The following POLR3G variants were observed in gnomAD, a reference collection of about 807,000 sequenced individuals.
POLR3G encodes the protein RNA polymerase III subunit G.
A neutral mutation model predicts 30.1 loss-of-function variants in POLR3G; 28 were observed. That is an observed-to-expected ratio of 0.93 (90% CI 0.69 to 1.27). The LOEUF is 1.27. POLR3G is among the 50% of genes most tolerant of loss of function. The pLI is 0.00. For synonymous variants in POLR3G, 79 were observed against 82.5 expected, an observed-to-expected ratio of 0.96 and a Z score of 0.23; for missense variants, 254 against 264.6, an observed-to-expected ratio of 0.96 and a Z score of 0.28.
chr5:90,491,574 A>G (rs1333848912), intron 3 of POLR3G, among the ~76,000 whole-genome samples: 1 of 151,618 alleles, frequency 6.6e-6, no homozygotes, highest in African/African-American at 2.4e-5. Flanking sequence ...TATGATTAAT[A>G]TTGATAACTT....
rs781274116 is a variant in POLR3G at position 90,488,145 on chromosome 5, C to A, written c.247+16C>A. Reference sequence around the variant, plus strand: ...GAAAGACAAGGTACTGTATTGGAGTCTTTGATTATGTGGCTTAATGTATAC... The same window carrying A: ...GAAAGACAAGGTACTGTATTGGAGTATTTGATTATGTGGCTTAATGTATAC... On this transcript the variant is annotated intron_variant, in intron 3 of 7. Transcript: ENST00000651687. 65 of 1,577,680 alleles carry A rather than the reference C, an allele frequency of 4.1e-5. 1 individual carries two copies. The South Asian group carries it at 6.5e-4, about 16-fold the overall frequency.
chr5:90,496,888 C>G (rs1035909780), intron 4 of POLR3G, among the ~76,000 whole-genome samples: 1 of 152,162 alleles, frequency 6.6e-6, no homozygotes, highest in African/African-American at 2.4e-5. Flanking sequence ...AAATGATTCT[C>G]TACATATTCC....
chr5:90,475,278 TTACTGA>T (rs1242948382), intron 1 of POLR3G, among the ~76,000 whole-genome samples: 1 of 152,156 alleles, frequency 6.6e-6, no homozygotes, highest in Non-Finnish European at 1.5e-5. Flanking sequence ...ATTTATGCTC[TTACTGA>T]TAGTAGGTTA....
intron 3 of POLR3G, among the ~76,000 whole-genome samples, chr5:90,494,204 A>T (rs971621857): frequency 6.6e-6 from 1 of 152,158 alleles, no homozygotes; most frequent in Non-Finnish European, 1.5e-5. Context: ...AATGTTTTCA[A>T]GGTTCATTCA....
In POLR3G at chr5:90,487,959, T is replaced by TA. The variant is rs766827552; in HGVS notation, c.118-39dup. ...CAGATAAAAGGGATATTAAAATACA[T>TA]AATTGATTTGAAAAAAATCTTTGTC... On this transcript the variant is annotated intron_variant, in intron 2 of 7. Transcript: ENST00000651687. 3.4e-6 allele frequency: 5 copies of TA among 1,477,338 alleles called. No individual in the cohort carries two copies. The South Asian group carries it at 5.7e-5, about 17-fold the overall frequency. The allele number at this position is 1,477,338 out of a possible 1,614,324, so 91.5% of individuals were successfully genotyped here. A position where few individuals can be genotyped will look rare whatever the true frequency, so the allele number is the denominator to read the frequency against.
chr5:90,500,004 A>G (rs1752173127), intron 5 of POLR3G, among the ~76,000 whole-genome samples: 1 of 152,170 alleles, frequency 6.6e-6, no homozygotes, highest in Non-Finnish European at 1.5e-5. Flanking sequence ...GCTGAGAAAA[A>G]TGTGTTCATT....
At chr5:90,508,485 A>G (rs1254988736) in intron 7 of POLR3G, among the ~76,000 whole-genome samples, 2 of 151,458 alleles carry the variant, frequency 1.3e-5, no homozygotes, top group African/African-American at 2.4e-5. Context: ...TTCATTTCCC[A>G]TTGTAAAACA....
At chr5:90,509,022 C>G (rs941252625) in intron 7 of POLR3G, among the ~76,000 whole-genome samples, 3 of 152,196 alleles carry the variant, frequency 2.0e-5, no homozygotes, top group Non-Finnish European at 2.9e-5. Flanking sequence ...GATCGTGCCA[C>G]TGCACTCCAG....
intron 5 of POLR3G, among the ~76,000 whole-genome samples, chr5:90,500,959 A>T (rs1156673076): frequency 2.0e-5 from 3 of 152,108 alleles, no homozygotes; most frequent in East Asian, 3.9e-4. Context: ...GGCAGAATTT[A>T]TATGTGAAAT....
At chr5:90,478,288 C>A (rs1049691922) in intron 1 of POLR3G, among the ~76,000 whole-genome samples, 1 of 152,114 alleles carries the variant, frequency 6.6e-6, no homozygotes, top group Admixed American at 6.5e-5. Context: ...AGGAGACATC[C>A]TGAAATGGAA....
At chr5:90,496,891 C>T (rs1209939574) in intron 4 of POLR3G, among the ~76,000 whole-genome samples, 3 of 152,154 alleles carry the variant, frequency 2.0e-5, no homozygotes, top group Admixed American at 6.5e-5. Context: ...TGATTCTCTA[C>T]ATATTCCGTC....
chr5:90,474,191 C>T (rs758427972), upstream of POLR3G: 8 of 1,610,292 alleles, frequency 5.0e-6, no homozygotes, highest in South Asian at 6.6e-5. Context: ...AGCCGCGCAC[C>T]AGCCAGATGT....
At chr5:90,480,261 CTGTTTCTTTCA>C (rs1266160914) in intron 1 of POLR3G, among the ~76,000 whole-genome samples, 2 of 152,170 alleles carry the variant, frequency 1.3e-5, no homozygotes, top group African/African-American at 4.8e-5. Context: ...CACTTGTAGG[CTGTTTCTTTCA>C]TGATACATTT....
chr5:90,475,775 G>A (rs555500033), intron 1 of POLR3G, among the ~76,000 whole-genome samples: 33 of 152,184 alleles, frequency 2.2e-4, no homozygotes, highest in African/African-American at 7.0e-4. Context: ...GCGGTGGCGC[G>A]ATCTCGTCTC....
At chr5:90,489,397 C>T (rs746729512) in intron 3 of POLR3G, among the ~76,000 whole-genome samples, 2 of 151,678 alleles carry the variant, frequency 1.3e-5, no homozygotes, top group Non-Finnish European at 2.9e-5. Flanking sequence ...TCCTGAGTAG[C>T]TGGAATTGCA....
At chr5:90,496,586 C>T (rs1752009524) in intron 4 of POLR3G, among the ~76,000 whole-genome samples, 2 of 152,214 alleles carry the variant, frequency 1.3e-5, no homozygotes, top group Non-Finnish European at 2.9e-5. Context: ...GAGATCTCAT[C>T]CCACTCATTC....
At chr5:90,498,723 T>G (rs1752109226) in intron 5 of POLR3G, among the ~76,000 whole-genome samples, 1 of 152,240 alleles carries the variant, frequency 6.6e-6, no homozygotes, top group Admixed American at 6.5e-5. Context: ...GAGCTTTATG[T>G]TGTATAGAAG....
At chr5:90,486,372 T>C (rs1156722922) in intron 2 of POLR3G, among the ~76,000 whole-genome samples, 1 of 152,204 alleles carries the variant, frequency 6.6e-6, no homozygotes. Context: ...AACAAGCTCT[T>C]TTCCATGTGT....
chr5:90,476,018 T>G (rs1419713405), intron 1 of POLR3G, among the ~76,000 whole-genome samples: 5 of 152,170 alleles, frequency 3.3e-5, no homozygotes, highest in Non-Finnish European at 7.3e-5. Flanking sequence ...GCCAGAAGCA[T>G]CTATTTAGGC....
Sources: gnomAD v4.1 joint callset for allele counts (sites outside exome capture counted in the v4.1 genomes callset) on GRCh38, gnomAD v4.1.1 for gene constraint, MANE v1.5 for transcripts, NCBI Gene and HGNC (gene_info 2026-07-23, HGNC 2026-07-21) for gene names.